ADAM29: variants seen among roughly 807,000 people sequenced by gnomAD.
ADAM29 encodes the protein ADAM metallopeptidase domain 29.
For synonymous variants in ADAM29, 367 were observed against 342.3 expected, an observed-to-expected ratio of 1.07 and a Z score of -0.80; for missense variants, 969 against 1,001.8, an observed-to-expected ratio of 0.97 and a Z score of 0.44.
intron 4 of ADAM29, among the ~76,000 whole-genome samples, chr4:174,938,116 T>C (rs1365665874): frequency 1.3e-5 from 2 of 151,956 alleles, no homozygotes; most frequent in Non-Finnish European, 2.9e-5. Context: ...ATTTGAAGGG[T>C]CTCTAAATAC....
intron 4 of ADAM29, among the ~76,000 whole-genome samples, chr4:174,957,102 G>A (rs1399927840): frequency 6.6e-6 from 1 of 151,892 alleles, no homozygotes; most frequent in Non-Finnish European, 1.5e-5. Flanking sequence ...ATATATGACA[G>A]CTAAATTAGC....
At chr4:174,946,129 A>G (rs567512527) in intron 4 of ADAM29, among the ~76,000 whole-genome samples, 3 of 152,270 alleles carry the variant, frequency 2.0e-5, no homozygotes, top group East Asian at 1.9e-4. Context: ...ATGAGCACAG[A>G]AAGTTTTTCC....
chr4:174,926,376 T>C (rs9312575), intron 2 of ADAM29, among the ~76,000 whole-genome samples: 30,534 of 151,980 alleles, frequency 0.2, 4,046 homozygotes, highest in African/African-American at 0.38. Flanking sequence ...ATATAAATAT[T>C]ATTTAATTAT....
At chr4:174,945,189 A>G (rs1197049369) in intron 4 of ADAM29, among the ~76,000 whole-genome samples, 1 of 152,068 alleles carries the variant, frequency 6.6e-6, no homozygotes, top group African/African-American at 2.4e-5. Flanking sequence ...ACTTTTTAAT[A>G]ATACCCATAC....
intron 4 of ADAM29, among the ~76,000 whole-genome samples, chr4:174,943,680 G>A (rs9991980): frequency 0.7 from 106,851 of 151,920 alleles, 39,183 homozygotes; most frequent in Non-Finnish European, 0.8. Context: ...TGAGGTTTGG[G>A]TGGGGACACA....
intron 4 of ADAM29, 126 bp downstream of exon 4, chr4:174,937,139 G>C (rs2110957106): frequency 6.6e-6 from 1 of 152,066 alleles, no homozygotes; most frequent in South Asian, 2.1e-4. Context: ...ATTATGTAGA[G>C]AACCAGTAAA....
chr4:174,922,358 T>C (rs546174978), intron 2 of ADAM29, among the ~76,000 whole-genome samples: 1 of 152,300 alleles, frequency 6.6e-6, no homozygotes, highest in South Asian at 2.1e-4. Context: ...ACTGAAGTCA[T>C]AGAGCAAATC....
intron 4 of ADAM29, among the ~76,000 whole-genome samples, chr4:174,949,883 T>A (rs1298247244): frequency 2.0e-5 from 3 of 152,274 alleles, no homozygotes; most frequent in African/African-American, 7.2e-5. Flanking sequence ...ATTATAGTCC[T>A]TTATATCACT....
chr4:174,943,053 G>T (rs1744632423), intron 4 of ADAM29, among the ~76,000 whole-genome samples: 1 of 152,140 alleles, frequency 6.6e-6, no homozygotes, highest in Admixed American at 6.5e-5. Context: ...GAAAAATGTT[G>T]CCAGTCGCTT....
chr4:174,968,254 T>C (rs1201255473), intron 4 of ADAM29, among the ~76,000 whole-genome samples: 1 of 152,048 alleles, frequency 6.6e-6, no homozygotes, highest in Non-Finnish European at 1.5e-5. Context: ...ACCTTTATAA[T>C]CCAAAGACCT....
rs1486309841 is a variant in ADAM29 at position 174,976,765 on chromosome 4, G to C, written c.1240G>C (p.Gly414Arg). The C allele has an allele frequency of 1.2e-6, 2 of 1,614,048 alleles. No individual in the cohort carries two copies. The highest frequency in any genetic ancestry group is 8.5e-7 in the Non-Finnish European group (1 of 1,179,968). ...VVEEGEECDC[G>R]PLKHCAKDPC... ...TGAAGAAGGAGAAGAGTGTGACTGTGGACCTTTAAAGCATTGTGCAAAAGA... is the reference window on the plus strand; with the variant it reads ...TGAAGAAGGAGAAGAGTGTGACTGTCGACCTTTAAAGCATTGTGCAAAAGA... The change falls in exon 5 of 5, where the codon GGA (glycine) becomes CGA (arginine). Residue 414 changes from glycine (G) to arginine (R), a missense_variant. Transcript: ENST00000359240.
intron 4 of ADAM29, among the ~76,000 whole-genome samples, chr4:174,962,765 G>GA (rs1745916425): frequency 1.3e-5 from 2 of 151,430 alleles, no homozygotes; most frequent in Admixed American, 1.3e-4. Flanking sequence ...ATATGTCAAT[G>GA]AAAAAAATAA....
intron 2 of ADAM29, among the ~76,000 whole-genome samples, chr4:174,921,692 G>T (rs1164495835): frequency 6.6e-6 from 1 of 152,014 alleles, no homozygotes; most frequent in Non-Finnish European, 1.5e-5. Flanking sequence ...TGCTTTCTTT[G>T]TATGTTTTAC....
chr4:174,962,933 C>T (rs942956773), intron 4 of ADAM29, among the ~76,000 whole-genome samples: 1 of 152,042 alleles, frequency 6.6e-6, no homozygotes. Context: ...GAATGCTCTA[C>T]CAATGCAAAA....
At chr4:174,952,221 C>G (rs1560877747) in intron 4 of ADAM29, among the ~76,000 whole-genome samples, 1 of 151,792 alleles carries the variant, frequency 6.6e-6, no homozygotes, top group Admixed American at 6.6e-5. Context: ...GACATGAGGG[C>G]TCTCCGCGGA....
At chr4:174,938,786 A>G (rs1744344582) in intron 4 of ADAM29, among the ~76,000 whole-genome samples, 1 of 152,128 alleles carries the variant, frequency 6.6e-6, no homozygotes. Flanking sequence ...AAACAACAGA[A>G]TTTCATTCTC....
chr4:174,957,008 C>T (rs1025655232), intron 4 of ADAM29, among the ~76,000 whole-genome samples: 6 of 151,840 alleles, frequency 4.0e-5, no homozygotes, highest in East Asian at 1.9e-4. Context: ...CCTTTCTTTG[C>T]GTGCATCCAA....
chr4:174,923,693 C>T (rs1401529337), intron 2 of ADAM29: 3 of 151,694 alleles, frequency 2.0e-5, no homozygotes, highest in Admixed American at 6.6e-5. Flanking sequence ...TGATTTTTTT[C>T]CTTGTGCATG....
chr4:174,948,069 A>G (rs939438565), intron 4 of ADAM29, among the ~76,000 whole-genome samples: 5 of 152,116 alleles, frequency 3.3e-5, no homozygotes, highest in African/African-American at 1.2e-4. Context: ...TACCTCCTGT[A>G]TAGTTTGTTT....
Sources: gnomAD v4.1 joint callset for allele counts (sites outside exome capture counted in the v4.1 genomes callset) on GRCh38, gnomAD v4.1.1 for gene constraint, MANE v1.5 for transcripts, NCBI Gene and HGNC (gene_info 2026-07-23, HGNC 2026-07-21) for gene names.